The following BRDT variants were observed in gnomAD, a reference collection of about 807,000 sequenced individuals.
The protein encoded by BRDT is bromodomain testis-specific protein.
A neutral mutation model predicts 113.9 loss-of-function variants in BRDT; 77 were observed. The observed-to-expected ratio is 0.68, with a 90% CI of 0.56 to 0.82. The LOEUF is 0.82. Ranked by LOEUF, BRDT falls within the 40% of genes least tolerant of loss-of-function variation. The pLI, the probability that BRDT is intolerant of heterozygous loss-of-function variation, is 0.00. For synonymous variants in BRDT, 358 were observed against 366.5 expected, an observed-to-expected ratio of 0.98 and a Z score of 0.26; for missense variants, 1,027 against 1,105.4, an observed-to-expected ratio of 0.93 and a Z score of 1.01.
intron 1 of BRDT, among the ~76,000 whole-genome samples, chr1:91,952,508 G>A (rs1318707096): frequency 6.6e-6 from 1 of 151,838 alleles, no homozygotes; most frequent in East Asian, 1.9e-4. Context: ...ATGAGGTATG[G>A]AAGAAAAGAT....
intron 18 of BRDT, among the ~76,000 whole-genome samples, chr1:92,013,965 T>C (rs1351536836): frequency 6.6e-6 from 1 of 152,184 alleles, no homozygotes; most frequent in Non-Finnish European, 1.5e-5. Context: ...ATTCTTAGTG[T>C]TCTTGTAGGT....
intron 14 of BRDT, among the ~76,000 whole-genome samples, chr1:91,992,718 T>C (rs1215079232): frequency 6.6e-6 from 1 of 152,114 alleles, no homozygotes; most frequent in East Asian, 1.9e-4. Context: ...ATATTTTTAG[T>C]AGAAACGGGG....
At chr1:91,964,987 G>A (rs76525820) in intron 3 of BRDT, among the ~76,000 whole-genome samples, 14,279 of 149,102 alleles carry the variant, frequency 0.096, 1,039 homozygotes, top group East Asian at 0.4. Context: ...TCAGCTCACT[G>A]CAACCTCTGC....
chr1:91,983,462 G>A (rs1301022836), intron 12 of BRDT, among the ~76,000 whole-genome samples: 1 of 151,770 alleles, frequency 6.6e-6, no homozygotes, highest in East Asian at 2.0e-4. Context: ...CACCGTGTTA[G>A]CCAGGATGGT....
intron 12 of BRDT, among the ~76,000 whole-genome samples, chr1:91,987,164 C>G (rs1038540120): frequency 3.3e-5 from 5 of 152,050 alleles, no homozygotes; most frequent in African/African-American, 1.2e-4. Flanking sequence ...AAGCGATCTG[C>G]CTGCCTCGGC....
chr1:92,001,006 T>C (rs367889363), intron 15 of BRDT, among the ~76,000 whole-genome samples: 3 of 152,200 alleles, frequency 2.0e-5, no homozygotes, highest in Non-Finnish European at 4.4e-5. Flanking sequence ...TCAGACTTAC[T>C]GCGTTTCACA....
In BRDT at chr1:91,979,554, A is replaced by C; in HGVS notation, c.1099-15A>C. 7 of 1,598,154 alleles carry C rather than the reference A, an allele frequency of 4.4e-6. No homozygotes were observed. Among genetic ancestry groups the C allele is most frequent in the Non-Finnish European group, 6.0e-6 (7 of 1,175,896 alleles). The stretch of plus-strand genomic sequence containing the variant: ...AAAATACAGAAAACCATAACAAACT[A>C]ATTTTTCATTACAGGATGTTTTCGA... On this transcript the variant is annotated splice_polypyrimidine_tract_variant and intron_variant, in intron 7 of 18. Transcript: ENST00000399546.
rs1479457353 is a variant in BRDT, at chr1:91,963,010, A to G, written c.192+64A>G. ...AAACTCCTGTAAATTTCTGTAAGAC[A>G]TAACTAGTCTTTAATATTATAAAAC... On this transcript the variant is annotated intron_variant, in intron 2 of 18. Transcript: ENST00000399546. 3.9e-6 allele frequency: 5 copies of G among 1,273,742 alleles called. No homozygotes were observed. The African/African-American group carries it at 4.5e-5, about 11-fold the overall frequency. 78.9% of individuals were successfully genotyped at this position (1,273,742 alleles called of 1,614,324 possible).
chr1:91,997,566 G>A (rs1686461222), intron 15 of BRDT, among the ~76,000 whole-genome samples: 1 of 152,128 alleles, frequency 6.6e-6, no homozygotes, highest in African/African-American at 2.4e-5. Context: ...ACAAAGGTGA[G>A]AATGTAGTCA....
chr1:91,991,844 T>A (rs1685783420), intron 13 of BRDT, among the ~76,000 whole-genome samples: 1 of 70,604 alleles, frequency 1.4e-5, no homozygotes, highest in Non-Finnish European at 4.0e-5. Context: ...TACAAAAAAT[T>A]AGCCGGGCAT....
chr1:91,990,981 T>A (rs1685700254), intron 12 of BRDT, among the ~76,000 whole-genome samples: 1 of 152,138 alleles, frequency 6.6e-6, no homozygotes, highest in Non-Finnish European at 1.5e-5. Flanking sequence ...GTATTTTTAG[T>A]AGAGATGGGG....
intron 12 of BRDT, among the ~76,000 whole-genome samples, chr1:91,986,355 GA>G: frequency 6.6e-6 from 1 of 152,250 alleles, no homozygotes; most frequent in Non-Finnish European, 1.5e-5. Context: ...TTATCAATAG[GA>G]GTACTTTTAA....
intron 3 of BRDT, among the ~76,000 whole-genome samples, chr1:91,965,803 C>T (rs1682999936): frequency 6.6e-6 from 1 of 151,670 alleles, no homozygotes; most frequent in Non-Finnish European, 1.5e-5. Context: ...GCCTAGATGC[C>T]ACCATTGCAC....
intron 12 of BRDT, among the ~76,000 whole-genome samples, chr1:91,990,707 A>C (rs552553019): frequency 1.3e-5 from 2 of 152,294 alleles, no homozygotes; most frequent in South Asian, 4.1e-4. Context: ...TCCCTTTAGA[A>C]ATTTTAGCTG....
chr1:91,971,522 G>A (rs774738417), intron 4 of BRDT, among the ~76,000 whole-genome samples: 4 of 152,184 alleles, frequency 2.6e-5, no homozygotes, highest in African/African-American at 9.7e-5. Flanking sequence ...ATGTGGTTAC[G>A]TACATGTTGA....
Position 91,964,775 on chromosome 1 carries a change from C to CTTAT in BRDT, c.330+12_330+15dup. On this transcript the variant is annotated intron_variant, in intron 3 of 18. Transcript: ENST00000399546. The stretch of plus-strand genomic sequence containing the variant: ...TATTTATATAACAAGGTATGTAAGC[C>CTTAT]TTATGTTATACTTGCTAATTCTTTG... 7.0e-7 allele frequency: 1 copy of CTTAT among 1,419,490 alleles called. No homozygotes were observed. The highest frequency in any genetic ancestry group is 9.5e-7 in the Non-Finnish European group (1 of 1,057,178). 87.9% of individuals were successfully genotyped at this position (1,419,490 alleles called of 1,614,324 possible). A position where few individuals can be genotyped will look rare whatever the true frequency, so the allele number is the denominator to read the frequency against.
In BRDT at chr1:91,964,640, T is replaced by C; in HGVS notation, c.206T>C (p.Ile69Thr). ...VKLQLPDYYT[I>T]IKNPMDLNTI... is the part of the protein sequence containing the mutation. ...TCAAAACCATAGGATTATTATACCA[T>C]TATAAAAAACCCAATGGATTTAAAT... is the stretch of plus-strand genomic sequence containing the variant. The change falls in exon 3 of 19, where the codon ATT becomes ACT. Residue 69 changes from isoleucine to threonine, a missense_variant. By Grantham distance (89) the Ile-to-Thr change is moderately conservative. Coordinates refer to ENST00000399546, the MANE Select transcript of BRDT (RefSeq NM_207189.4). 7.0e-7 allele frequency: 1 copy of C among 1,426,570 alleles called. No homozygotes were observed. 88.4% of individuals were successfully genotyped at this position (1,426,570 alleles called of 1,614,324 possible).
At chr1:92,005,088 C>T (rs1570642274) in intron 17 of BRDT, 31 bp from the exon 18 acceptor site, 2 of 1,408,206 alleles carry the variant, frequency 1.4e-6, no homozygotes, top group East Asian at 2.6e-5. Context: ...GAACTTGAAA[C>T]CTACTTTGAG....
intron 15 of BRDT, among the ~76,000 whole-genome samples, 157 bp downstream of exon 15, chr1:91,994,411 T>G (rs573350365): frequency 6.6e-6 from 1 of 152,258 alleles, no homozygotes; most frequent in South Asian, 2.1e-4. Context: ...CTGAAGCACA[T>G]CATTAGAAAT....
Sources: allele counts gnomAD v4.1 joint callset (sites outside exome capture counted in the v4.1 genomes callset), GRCh38; gene constraint gnomAD v4.1.1; transcripts MANE v1.5; gene names NCBI Gene and HGNC (gene_info 2026-07-23, HGNC 2026-07-21).